GRIK2: variants seen among roughly 807,000 people sequenced by gnomAD.
GRIK2 encodes the protein glutamate receptor ionotropic, kainate 2.
In GRIK2, 32 loss-of-function variants were observed where a neutral mutation model predicts 100.3. The ratio of observed to expected loss-of-function variants is 0.32; its 90% CI spans 0.24 to 0.43. The LOEUF is 0.43. GRIK2 is among the 20% of genes least tolerant of loss of function. The pLI is 1.00. For synonymous variants in GRIK2, 417 were observed against 389.4 expected (o/e 1.07, Z -0.83); for missense variants, 843 against 1,114.9 (o/e 0.76, Z 3.47).
At chr6:101,482,515 G>A (rs1424604185) in intron 2 of GRIK2, among the ~76,000 whole-genome samples, 1 of 152,106 alleles carries the variant, frequency 6.6e-6, no homozygotes, top group Non-Finnish European at 1.5e-5. Context: ...TTTTTATGCA[G>A]CGAAAACACT....
intron 2 of GRIK2, among the ~76,000 whole-genome samples, chr6:101,595,305 A>C (rs566156660): frequency 1.3e-5 from 2 of 151,834 alleles, no homozygotes; most frequent in South Asian, 4.1e-4. Context: ...AGGTAGTTAC[A>C]GACTTTCAGT....
In GRIK2 at chr6:101,881,316, CT is replaced by C. The variant is rs201405104; in HGVS notation, c.1525-8318del. Among the ~76,000 whole-genome samples, 1,268 of 151,780 alleles carry C rather than the reference CT, an allele frequency of 8.4e-3. 14 individuals carry two copies. Among genetic ancestry groups the C allele is most frequent in the African/African-American group, 0.029 (1,183 of 41,442 alleles). ...TAGGTAATTATCTTTGGCAGAATAA[CT>C]TTTTTCACTTAAATTGTGATTTCAA... On this transcript the variant is annotated intron_variant, in intron 11 of 16. Coordinates refer to ENST00000369134, the MANE Select transcript of GRIK2 (RefSeq NM_021956.5).
chr6:101,402,666 G>A (rs1385236639), intron 2 of GRIK2, among the ~76,000 whole-genome samples: 1 of 152,164 alleles, frequency 6.6e-6, no homozygotes, highest in Non-Finnish European at 1.5e-5. Flanking sequence ...TGCCCACCCG[G>A]CGGGCAAGGT....
chr6:101,519,366 C>G (rs139977846), intron 2 of GRIK2, among the ~76,000 whole-genome samples: 329 of 150,866 alleles, frequency 2.2e-3, no homozygotes, highest in Middle Eastern at 6.8e-3. Flanking sequence ...TGATACTACT[C>G]TATCTCAGGC....
At chr6:101,442,550 GT>G (rs1237498900) in intron 2 of GRIK2, among the ~76,000 whole-genome samples, 1 of 152,120 alleles carries the variant, frequency 6.6e-6, no homozygotes, top group Non-Finnish European at 1.5e-5. Context: ...GCAAACTTAA[GT>G]TTTTTATTTG....
chr6:102,059,732 T>C (rs961679673), intron 16 of GRIK2, among the ~76,000 whole-genome samples: 1 of 150,950 alleles, frequency 6.6e-6, no homozygotes, highest in Admixed American at 6.6e-5. Context: ...ATATGTCTAC[T>C]TTTAACAGAC....
chr6:102,065,716 T>C, intron 16 of GRIK2: 1 of 812,264 alleles, frequency 1.2e-6, no homozygotes. Flanking sequence ...ACACGTCCTA[T>C]AACAATTTTA....
chr6:101,647,190 A>G (rs1781568440), intron 4 of GRIK2, among the ~76,000 whole-genome samples: 1 of 152,030 alleles, frequency 6.6e-6, no homozygotes, highest in Non-Finnish European at 1.5e-5. Flanking sequence ...ATACCTGTTC[A>G]TAACAGACAC....
chr6:101,414,979 G>A (rs1416526352), intron 2 of GRIK2, among the ~76,000 whole-genome samples: 1 of 149,152 alleles, frequency 6.7e-6, no homozygotes, highest in Non-Finnish European at 1.5e-5. Context: ...TGTGTGGTGT[G>A]TGGTGTGTAT....
intron 7 of GRIK2, among the ~76,000 whole-genome samples, chr6:101,705,317 G>T (rs1459721580): frequency 3.3e-5 from 5 of 150,672 alleles, no homozygotes; most frequent in Non-Finnish European, 7.4e-5. Context: ...TTTAACTGTA[G>T]CCTATTTGGT....
intron 2 of GRIK2, among the ~76,000 whole-genome samples, chr6:101,557,542 T>G (rs1445222412): frequency 1.3e-5 from 2 of 152,186 alleles, no homozygotes; most frequent in Non-Finnish European, 2.9e-5. Flanking sequence ...AAGTGGGGTT[T>G]TCTTTTATTT....
chr6:101,531,158 A>C (rs1186265125), intron 2 of GRIK2, among the ~76,000 whole-genome samples: 3 of 151,976 alleles, frequency 2.0e-5, no homozygotes, highest in Admixed American at 6.6e-5. Flanking sequence ...ATATCTGATA[A>C]ACCCATTAGA....
chr6:101,412,244 T>G (rs1285703726), intron 2 of GRIK2, among the ~76,000 whole-genome samples: 1 of 152,218 alleles, frequency 6.6e-6, no homozygotes, highest in East Asian at 1.9e-4. Context: ...TTTAGGTAGA[T>G]AAATTGTTAA....
At chr6:101,855,447 T>G (rs1270352081) in intron 10 of GRIK2, among the ~76,000 whole-genome samples, 1 of 152,112 alleles carries the variant, frequency 6.6e-6, no homozygotes, top group South Asian at 2.1e-4. Flanking sequence ...TGCGGTTTCT[T>G]TGAAGTGGTG....
chr6:101,474,829 A>G (rs1772145689), intron 2 of GRIK2, among the ~76,000 whole-genome samples: 1 of 151,848 alleles, frequency 6.6e-6, no homozygotes. Flanking sequence ...ATTACATACC[A>G]TAGTTCCTTT....
intron 2 of GRIK2, among the ~76,000 whole-genome samples, chr6:101,569,303 GC>G (rs1316268224): frequency 6.6e-6 from 1 of 151,696 alleles, no homozygotes; most frequent in African/African-American, 2.4e-5. Flanking sequence ...AAGCAAAAAT[GC>G]TAACAGTCTC....
At chr6:101,733,031 A>G (rs983412414) in intron 7 of GRIK2, among the ~76,000 whole-genome samples, 8 of 152,088 alleles carry the variant, frequency 5.3e-5, no homozygotes, top group Admixed American at 5.2e-4. Flanking sequence ...ATACTACCAC[A>G]TTGGGAAATT....
chr6:101,482,187 T>A (rs543680112), intron 2 of GRIK2, among the ~76,000 whole-genome samples: 100 of 152,216 alleles, frequency 6.6e-4, no homozygotes, highest in Non-Finnish European at 1.2e-3. Flanking sequence ...ATTGTATTCC[T>A]CTCAGTTAAG....
At chr6:101,869,569 T>C (rs1785260451) in intron 11 of GRIK2, among the ~76,000 whole-genome samples, 1 of 151,946 alleles carries the variant, frequency 6.6e-6, no homozygotes, top group Admixed American at 6.6e-5. Context: ...CTTTTGTATT[T>C]TTTAAACATT....
Sources: gnomAD v4.1 joint callset for allele counts (sites outside exome capture counted in the v4.1 genomes callset) on GRCh38, gnomAD v4.1.1 for gene constraint, MANE v1.5 for transcripts, NCBI Gene and HGNC (gene_info 2026-07-23, HGNC 2026-07-21) for gene names.